Variants in DISC1 observed in about 807,000 individuals in gnomAD.
DISC1 encodes the protein disrupted in schizophrenia 1 protein.
Under a neutral mutation model 84.5 loss-of-function variants are expected in DISC1, and 57 were observed. The ratio of observed to expected loss-of-function variants is 0.67; its 90% CI spans 0.55 to 0.84. The LOEUF is 0.84. DISC1 is among the 40% of genes least tolerant of loss of function. The probability of loss-of-function intolerance (pLI) is 0.00; values close to 1 mark genes in which losing one functional copy is unlikely to be tolerated. For missense variants in DISC1, 1,000 were observed against 1,057.8 expected (o/e 0.95, Z 0.76); for synonymous variants, 411 against 415.2 (o/e 0.99, Z 0.12).
intron 9 of DISC1, among the ~76,000 whole-genome samples, chr1:231,902,376 A>G (rs904417381): frequency 5.9e-5 from 9 of 152,182 alleles, no homozygotes; most frequent in Non-Finnish European, 1.0e-4. Context: ...CGAGGTGGGC[A>G]GATCATCTGA....
chr1:231,884,106 C>T (rs975966209), intron 9 of DISC1, among the ~76,000 whole-genome samples: 14 of 152,024 alleles, frequency 9.2e-5, no homozygotes, highest in Admixed American at 1.3e-4. Flanking sequence ...ATTCCACACT[C>T]GGGACCCGGC....
intron 1 of DISC1, among the ~76,000 whole-genome samples, chr1:231,684,500 T>A (rs1365191387): frequency 6.6e-6 from 1 of 152,066 alleles, no homozygotes; most frequent in African/African-American, 2.4e-5. Context: ...TTCCTATGTA[T>A]TGTTTGAGAA....
At chr1:231,754,789 G>A (rs942538066) in intron 4 of DISC1, among the ~76,000 whole-genome samples, 1 of 152,172 alleles carries the variant, frequency 6.6e-6, no homozygotes, top group Non-Finnish European at 1.5e-5. Context: ...ATTTTATGGG[G>A]TTTGACCTAA....
intron 6 of DISC1, among the ~76,000 whole-genome samples, chr1:231,773,683 C>A (rs756241020): frequency 2.0e-5 from 3 of 152,164 alleles, no homozygotes; most frequent in Non-Finnish European, 2.9e-5. Context: ...TGCGCCCAGC[C>A]AATTGGATAG....
At chr1:231,686,166 G>T (rs2064246952) in intron 1 of DISC1, among the ~76,000 whole-genome samples, 1 of 152,184 alleles carries the variant, frequency 6.6e-6, no homozygotes, top group Non-Finnish European at 1.5e-5. Flanking sequence ...GCTGTAGGTG[G>T]ATCTACCATC....
intron 3 of DISC1, among the ~76,000 whole-genome samples, chr1:231,740,711 G>A (rs546737446): frequency 3.3e-5 from 5 of 152,274 alleles, no homozygotes; most frequent in South Asian, 4.1e-4. Flanking sequence ...ATATCTTCAG[G>A]ATAGGACCCA....
intron 9 of DISC1, among the ~76,000 whole-genome samples, chr1:231,923,026 C>T (rs986399195): frequency 8.6e-5 from 13 of 152,034 alleles, no homozygotes; most frequent in Non-Finnish European, 2.9e-5. Context: ...GCCTGCAATC[C>T]CAGCACTGTG....
At chr1:231,640,603 A>G (rs2059562823) in intron 1 of DISC1, among the ~76,000 whole-genome samples, 1 of 149,242 alleles carries the variant, frequency 6.7e-6, no homozygotes, top group East Asian at 2.0e-4. Flanking sequence ...ATCACAGCTC[A>G]CTGCAGCCTC....
chr1:232,024,940 A>T lies in DISC1; in HGVS notation c.2308-1495A>T, dbSNP rs200145302. Among the ~76,000 whole-genome samples, 292 of 152,262 alleles carry T rather than the reference A, an allele frequency of 1.9e-3. 1 individual carries two copies. Among genetic ancestry groups the T allele is most frequent in the South Asian group, 0.016 (77 of 4,818 alleles). ...TAAGCTTTTCACTCTTAGTTAAGGA[A>T]ATATTATCTTTACATTTAAGTTTTA... On this transcript the variant is annotated intron_variant, in intron 11 of 12. Transcript: ENST00000439617.
At chr1:231,854,954 G>C in intron 9 of DISC1, 1 of 878,506 alleles carries the variant, frequency 1.1e-6, no homozygotes. Context: ...GACCTCAAGT[G>C]ATCCACCTTC....
intron 9 of DISC1, among the ~76,000 whole-genome samples, chr1:231,879,084 T>C (rs1405906457): frequency 6.6e-6 from 1 of 151,842 alleles, no homozygotes; most frequent in African/African-American, 2.4e-5. Flanking sequence ...ATCAGGAGTG[T>C]TTCCGATTTT....
chr1:231,930,176 G>T (rs75791194), intron 9 of DISC1, among the ~76,000 whole-genome samples: 2,767 of 152,222 alleles, frequency 0.018, 37 homozygotes, highest in Middle Eastern at 0.044. Flanking sequence ...ATTTTTCTTT[G>T]ATTTTTGAAT....
chr1:231,685,555 C>T (rs948742086), intron 1 of DISC1, among the ~76,000 whole-genome samples: 3 of 152,036 alleles, frequency 2.0e-5, no homozygotes, highest in East Asian at 1.9e-4. Context: ...TGGGTTCAAG[C>T]GATTCTTCTG....
intron 8 of DISC1, among the ~76,000 whole-genome samples, chr1:231,814,151 A>G (rs1244833756): frequency 6.6e-6 from 1 of 152,202 alleles, no homozygotes; most frequent in Non-Finnish European, 1.5e-5. Flanking sequence ...CTGCTAAGTA[A>G]CAATAAAAAA....
rs201445698 is a variant in DISC1 at position 231,800,301 on chromosome 1, C to T, written c.1792+91C>T. ...TGTTTTGTCCTCGATGAACATTCCA[C>T]TGTTATTATGTCATTCTCAGACATC... On this transcript the variant is annotated intron_variant, in intron 8 of 12. Coordinates refer to ENST00000439617, the MANE Select transcript of DISC1 (RefSeq NM_018662.3). 1,730 of 1,002,926 alleles carry T rather than the reference C, an allele frequency of 1.7e-3. 3 individuals are homozygous for T. Among genetic ancestry groups the T allele is most frequent in the Middle Eastern group, 2.4e-3 (12 of 4,910 alleles). The allele number at this position is 1,002,926 out of a possible 1,614,324, so 62.1% of individuals were successfully genotyped here. A position where few individuals can be genotyped will look rare whatever the true frequency, so the allele number is the denominator to read the frequency against.
intron 10 of DISC1, among the ~76,000 whole-genome samples, chr1:231,999,463 C>T (rs933101899): frequency 1.3e-5 from 2 of 152,144 alleles, no homozygotes; most frequent in Non-Finnish European, 2.9e-5. Context: ...TAACAATAAG[C>T]AGCCAGGGGA....
At chr1:231,779,231 C>G (rs1289702889) in intron 6 of DISC1, among the ~76,000 whole-genome samples, 1 of 152,178 alleles carries the variant, frequency 6.6e-6, no homozygotes. Context: ...CTGACTGACT[C>G]TCTGTTCCAC....
intron 9 of DISC1, among the ~76,000 whole-genome samples, chr1:231,909,488 T>G (rs1283282569): frequency 1.3e-5 from 2 of 152,206 alleles, no homozygotes; most frequent in African/African-American, 2.4e-5. Flanking sequence ...GATTTGCACA[T>G]GTTGAACCAG....
chr1:232,030,296 A>G (rs1669881298), intron 12 of DISC1, among the ~76,000 whole-genome samples: 1 of 152,202 alleles, frequency 6.6e-6, no homozygotes, highest in South Asian at 2.1e-4. Context: ...AAATATTGTA[A>G]CCAAAAGCCT....
Sources: allele counts gnomAD v4.1 joint callset (sites outside exome capture counted in the v4.1 genomes callset), GRCh38; gene constraint gnomAD v4.1.1; transcripts MANE v1.5; gene names NCBI Gene and HGNC (gene_info 2026-07-23, HGNC 2026-07-21).